Variants in ERC2 observed in about 807,000 individuals in gnomAD.
ERC2 encodes ERC protein 2.
In ERC2, 42 loss-of-function variants were observed where a neutral mutation model predicts 114.8. The ratio of observed to expected loss-of-function variants is 0.37; its 90% CI spans 0.29 to 0.47. The LOEUF is 0.47. Among genes scored for constraint, ERC2 ranks in the 20% least tolerant of loss-of-function variants. ERC2 has a pLI of 0.99. For synonymous variants in ERC2, 454 were observed against 425.5 expected, an observed-to-expected ratio of 1.07 and a Z score of -0.82; for missense variants, 939 against 1,150.7, an observed-to-expected ratio of 0.82 and a Z score of 2.66.
chr3:55,909,390 A>C (rs34120832), intron 13 of ERC2, among the ~76,000 whole-genome samples: 41,378 of 152,102 alleles, frequency 0.27, 5,929 homozygotes, highest in Admixed American at 0.35. Flanking sequence ...GGAGAGATAA[A>C]AGGTCTTTGT....
intron 2 of ERC2, among the ~76,000 whole-genome samples, chr3:56,393,677 T>C (rs2060205897): frequency 1.3e-5 from 2 of 152,212 alleles, no homozygotes; most frequent in South Asian, 4.1e-4. Flanking sequence ...TCCTAATAAA[T>C]TTATGGAATG....
intron 17 of ERC2, among the ~76,000 whole-genome samples, chr3:55,526,173 C>T (rs138698778): frequency 2.3e-4 from 35 of 152,206 alleles, no homozygotes; most frequent in African/African-American, 8.2e-4. Flanking sequence ...ACCAGAAGCT[C>T]GGAAGAGGCA....
chr3:56,314,447 C>T (rs1479364560), intron 2 of ERC2, among the ~76,000 whole-genome samples: 3 of 125,746 alleles, frequency 2.4e-5, no homozygotes, highest in African/African-American at 9.3e-5. Flanking sequence ...TATACAAATA[C>T]AGATTGCAAA....
chr3:56,454,368 C>T (rs1304276092), intron 1 of ERC2, among the ~76,000 whole-genome samples: 2 of 152,172 alleles, frequency 1.3e-5, no homozygotes, highest in Non-Finnish European at 2.9e-5. Flanking sequence ...ATCAGAATCT[C>T]TGCCTGAGAG....
chr3:56,390,793 A>AT (rs922879437), intron 2 of ERC2, among the ~76,000 whole-genome samples: 1 of 152,128 alleles, frequency 6.6e-6, no homozygotes, highest in African/African-American at 2.4e-5. Context: ...ATGCCACAGA[A>AT]TATTACCCAA....
At chr3:56,296,920 AC>A (rs559891644) in intron 2 of ERC2, among the ~76,000 whole-genome samples, 243 of 152,324 alleles carry the variant, frequency 1.6e-3, no homozygotes, top group African/African-American at 5.4e-3. Flanking sequence ...ACAAACAAAG[AC>A]TTTATTTTTT....
intron 17 of ERC2, among the ~76,000 whole-genome samples, chr3:55,571,471 G>A (rs967813536): frequency 1.3e-5 from 2 of 152,062 alleles, no homozygotes; most frequent in African/African-American, 4.8e-5. Flanking sequence ...TTATTTCCCT[G>A]CCCCAATCAC....
At chr3:56,382,350 T>G (rs1453690886) in intron 2 of ERC2, among the ~76,000 whole-genome samples, 1 of 152,144 alleles carries the variant, frequency 6.6e-6, no homozygotes, top group Non-Finnish European at 1.5e-5. Context: ...AGGCCTTCTC[T>G]TGACCTCTAC....
At chr3:56,262,322 A>C (rs1576151473) in intron 3 of ERC2, among the ~76,000 whole-genome samples, 2 of 152,210 alleles carry the variant, frequency 1.3e-5, no homozygotes, top group Non-Finnish European at 2.9e-5. Context: ...ACACTCAATG[A>C]AGGTGAAGTT....
intron 7 of ERC2, among the ~76,000 whole-genome samples, chr3:56,058,684 A>G (rs144797769): frequency 1.1e-4 from 17 of 152,278 alleles, no homozygotes; most frequent in African/African-American, 3.9e-4. Context: ...TCCTCAGCAG[A>G]CTGCCTTCAG....
At chr3:56,269,740 A>G (rs1261102448) in intron 3 of ERC2, among the ~76,000 whole-genome samples, 1 of 152,298 alleles carries the variant, frequency 6.6e-6, no homozygotes, top group East Asian at 1.9e-4. Context: ...ACCCTCAGCT[A>G]TGAAGAAAAG....
intron 2 of ERC2, among the ~76,000 whole-genome samples, chr3:56,351,433 C>G (rs985509134): frequency 3.3e-5 from 5 of 151,974 alleles, no homozygotes; most frequent in African/African-American, 1.2e-4. Flanking sequence ...CATTTATAGA[C>G]CATACCCATG....
chr3:56,120,828 A>G (rs1356226886), intron 6 of ERC2, among the ~76,000 whole-genome samples: 2 of 152,202 alleles, frequency 1.3e-5, no homozygotes, highest in East Asian at 3.8e-4. Flanking sequence ...AGAGAGGTCC[A>G]CCATTTTGTT....
At chr3:55,962,939 G>A (rs1204701625) in intron 12 of ERC2, among the ~76,000 whole-genome samples, 9 of 152,196 alleles carry the variant, frequency 5.9e-5, no homozygotes, top group Non-Finnish European at 1.2e-4. Context: ...CTGTAGTTCA[G>A]CCACTTCAAG....
chr3:56,263,585 G>A (rs1468413711), intron 3 of ERC2, among the ~76,000 whole-genome samples: 1 of 152,024 alleles, frequency 6.6e-6, no homozygotes, highest in Non-Finnish European at 1.5e-5. Context: ...TAAATTCCTA[G>A]AAGCATAACC....
chr3:55,641,957 C>G (rs906718494), intron 17 of ERC2, among the ~76,000 whole-genome samples: 1 of 152,216 alleles, frequency 6.6e-6, no homozygotes, highest in African/African-American at 2.4e-5. Context: ...TAGCCCATTA[C>G]TTCCACTCAA....
At chr3:55,546,933 G>A (rs1047984016) in intron 17 of ERC2, among the ~76,000 whole-genome samples, 3 of 152,238 alleles carry the variant, frequency 2.0e-5, no homozygotes, top group Admixed American at 1.3e-4. Flanking sequence ...CATAGGAGGC[G>A]GAGTCGCAGG....
At chr3:56,400,386 A>T (rs2060476841) in intron 2 of ERC2, among the ~76,000 whole-genome samples, 1 of 152,150 alleles carries the variant, frequency 6.6e-6, no homozygotes, top group Admixed American at 6.6e-5. Flanking sequence ...TTTCCATAAA[A>T]TTTTTCTAGT....
intron 14 of ERC2, among the ~76,000 whole-genome samples, chr3:55,829,693 A>C (rs2060486471): frequency 6.6e-6 from 1 of 152,050 alleles, no homozygotes; most frequent in Admixed American, 6.6e-5. Context: ...TGCTTTTTAA[A>C]ATTTTTTGTA....
Sources: gnomAD v4.1 joint callset for allele counts (sites outside exome capture counted in the v4.1 genomes callset) on GRCh38, gnomAD v4.1.1 for gene constraint, MANE v1.5 for transcripts, NCBI Gene and HGNC (gene_info 2026-07-23, HGNC 2026-07-21) for gene names.